Variants in PBX1 observed in about 807,000 individuals in gnomAD.
PBX1 encodes pre-B-cell leukemia transcription factor 1.
A neutral mutation model predicts 53.4 loss-of-function variants in PBX1; 6 were observed. That is an observed-to-expected ratio of 0.11 (90% CI 0.06 to 0.22). The LOEUF is 0.22. Among genes scored for constraint, PBX1 ranks in the 10% least tolerant of loss-of-function variants. The pLI is 1.00. For synonymous variants in PBX1, 204 were observed against 212.3 expected (o/e 0.96, Z 0.34); for missense variants, 251 against 551.4 (o/e 0.46, Z 5.46).
rs888890883 is a variant in PBX1, at chr1:164,630,278, G to A, written c.265+66967G>A. 4.6e-5 allele frequency among the ~76,000 whole-genome samples: 7 copies of A among 152,136 alleles called. No individual in the cohort carries two copies. In the East Asian group the frequency reaches 9.7e-4, roughly 21 times the overall value. On this transcript the variant is annotated intron_variant, in intron 2 of 8. Transcript: ENST00000420696. ...AAAAAGAACCCTGAATATATTTTTC[G>A]TTTCTATGCTTCCAAAGTCTGAGTG...
chr1:164,780,735 A>C (rs1379481356), intron 2 of PBX1, among the ~76,000 whole-genome samples: 1 of 152,156 alleles, frequency 6.6e-6, no homozygotes, highest in Non-Finnish European at 1.5e-5. Context: ...ATGAGATGTT[A>C]TCTCTTTTAT....
At chr1:164,572,098 G>A (rs1448183846) in intron 2 of PBX1, among the ~76,000 whole-genome samples, 1 of 151,200 alleles carries the variant, frequency 6.6e-6, no homozygotes, top group East Asian at 2.0e-4. Context: ...GTAGAGATGG[G>A]ATTTCACCAT....
At chr1:164,825,536 T>G (rs936365801) in intron 8 of PBX1, among the ~76,000 whole-genome samples, 2 of 152,206 alleles carry the variant, frequency 1.3e-5, no homozygotes, top group African/African-American at 4.8e-5. Flanking sequence ...AAGTATCTGA[T>G]GAGAATTACT....
chr1:164,603,064 C>T (rs1476978431), intron 2 of PBX1, among the ~76,000 whole-genome samples: 1 of 151,996 alleles, frequency 6.6e-6, no homozygotes, highest in Admixed American at 6.6e-5. Flanking sequence ...TAATCCGTCC[C>T]TTCCCTTCCT....
At chr1:164,671,212 A>G (rs548195456) in intron 2 of PBX1, among the ~76,000 whole-genome samples, 19 of 150,492 alleles carry the variant, frequency 1.3e-4, no homozygotes, top group Non-Finnish European at 2.4e-4. Flanking sequence ...CAGAGAAGTT[A>G]CTCTTGGTTT....
At chr1:164,800,233 C>T (rs1463462395) in intron 4 of PBX1, among the ~76,000 whole-genome samples, 2 of 152,182 alleles carry the variant, frequency 1.3e-5, no homozygotes, top group East Asian at 3.8e-4. Flanking sequence ...AGCATTCTAT[C>T]ACGACAGGCT....
At chr1:164,600,815 C>T (rs187143182) in intron 2 of PBX1, among the ~76,000 whole-genome samples, 170 of 152,282 alleles carry the variant, frequency 1.1e-3, no homozygotes, top group Non-Finnish European at 1.7e-3. Context: ...CTGGTCACAC[C>T]GATCAAGATT....
At chr1:164,589,805 T>C (rs1436313104) in intron 2 of PBX1, among the ~76,000 whole-genome samples, 2 of 152,340 alleles carry the variant, frequency 1.3e-5, no homozygotes, top group East Asian at 3.9e-4. Context: ...CAAGGTCTTA[T>C]AGTGATCCAG....
intron 2 of PBX1, among the ~76,000 whole-genome samples, chr1:164,573,428 T>C (rs1654006762): frequency 6.6e-6 from 1 of 152,008 alleles, no homozygotes; most frequent in Non-Finnish European, 1.5e-5. Flanking sequence ...ATTCTTTTTT[T>C]GTGTGTCTAT....
chr1:164,885,142 C>A (rs567088614), intron 2 of PBX1, among the ~76,000 whole-genome samples: 2 of 152,226 alleles, frequency 1.3e-5, no homozygotes, highest in South Asian at 4.2e-4. Flanking sequence ...ATAACTTGCC[C>A]AAGATCACAT....
intron 2 of PBX1, among the ~76,000 whole-genome samples, chr1:164,632,114 C>A (rs1451718498): frequency 6.6e-6 from 1 of 152,222 alleles, no homozygotes; most frequent in Non-Finnish European, 1.5e-5. Flanking sequence ...CACCCCCTCT[C>A]TGGACAAATA....
At chr1:164,671,798 G>T (rs559547103) in intron 2 of PBX1, among the ~76,000 whole-genome samples, 1 of 152,256 alleles carries the variant, frequency 6.6e-6, no homozygotes, top group Non-Finnish European at 1.5e-5. Flanking sequence ...TTGTGTGAGT[G>T]TGGGTGTCTG....
intron 2 of PBX1, among the ~76,000 whole-genome samples, chr1:164,622,236 G>T (rs899823613): frequency 6.6e-6 from 1 of 152,172 alleles, no homozygotes; most frequent in African/African-American, 2.4e-5. Context: ...TCTGTTCCCA[G>T]CGTTGTCTCT....
intron 2 of PBX1, among the ~76,000 whole-genome samples, chr1:164,647,149 C>T (rs948888286): frequency 6.6e-6 from 1 of 152,200 alleles, no homozygotes; most frequent in Non-Finnish European, 1.5e-5. Context: ...AGAGAATAGA[C>T]CAATGCCTAG....
chr1:164,626,458 G>A lies in PBX1; in HGVS notation c.265+63147G>A, dbSNP rs141845001. ...AGTGGAGCCTTTGGAAGAAGGAATC[G>A]GTGTATGGACTGTTCAAGACAGACA... On this transcript the variant is annotated intron_variant, in intron 2 of 8. Coordinates refer to ENST00000420696, the MANE Select transcript of PBX1 (RefSeq NM_002585.4). Among the ~76,000 whole-genome samples, 101 of 152,214 alleles carry A rather than the reference G, an allele frequency of 6.6e-4. No homozygotes were observed. The East Asian group carries it at 0.016, about 24-fold the overall frequency.
At chr1:164,595,015 G>A (rs1323991268) in intron 2 of PBX1, among the ~76,000 whole-genome samples, 3 of 152,168 alleles carry the variant, frequency 2.0e-5, no homozygotes, top group Admixed American at 1.3e-4. Flanking sequence ...AAAAGAACCC[G>A]GTTTCTGTTC....
chr1:164,813,918 C>T (rs2102349647), intron 6 of PBX1: 1 of 152,268 alleles, frequency 6.6e-6, no homozygotes, highest in East Asian at 1.9e-4. Context: ...GAATTTTTTT[C>T]TGGTGGCTTA....
intron 2 of PBX1, among the ~76,000 whole-genome samples, chr1:164,732,022 A>G (rs558098417): frequency 1.3e-5 from 2 of 152,276 alleles, no homozygotes; most frequent in South Asian, 4.2e-4. Flanking sequence ...AACAGGGACA[A>G]TGTTGGGGAG....
chr1:164,854,947 T>C (rs527804210), downstream of PBX1, among the ~76,000 whole-genome samples: 322 of 135,524 alleles, frequency 2.4e-3, no homozygotes, highest in Non-Finnish European at 3.3e-3. Flanking sequence ...CTCTCTCTCT[T>C]TTTTTTTTTT....
Sources: gnomAD v4.1 joint callset for allele counts (sites outside exome capture counted in the v4.1 genomes callset) on GRCh38, gnomAD v4.1.1 for gene constraint, MANE v1.5 for transcripts, NCBI Gene and HGNC (gene_info 2026-07-23, HGNC 2026-07-21) for gene names.